Variants in GRIK2 observed in about 807,000 individuals in gnomAD.
GRIK2 encodes glutamate receptor ionotropic, kainate 2.
A neutral mutation model predicts 100.3 loss-of-function variants in GRIK2; 32 were observed. The ratio of observed to expected loss-of-function variants is 0.32; its 90% CI spans 0.24 to 0.43. The LOEUF (loss-of-function observed/expected upper bound fraction) is 0.43. GRIK2 is among the 20% of genes least tolerant of loss of function. GRIK2 has a pLI of 1.00. For synonymous variants in GRIK2, 417 were observed against 389.4 expected, an observed-to-expected ratio of 1.07 and a Z score of -0.83; for missense variants, 843 against 1,114.9, an observed-to-expected ratio of 0.76 and a Z score of 3.47.
At chr6:101,704,921 AT>A (rs1403322476) in intron 7 of GRIK2, among the ~76,000 whole-genome samples, 1 of 148,436 alleles carries the variant, frequency 6.7e-6, no homozygotes, top group Non-Finnish European at 1.5e-5. Context: ...ATTGGCCTTT[AT>A]TTTTTATATA....
chr6:102,035,186 T>G (rs1262444521), intron 14 of GRIK2, among the ~76,000 whole-genome samples, 155 bp from the exon 15 acceptor site: 1 of 113,108 alleles, frequency 8.8e-6, no homozygotes, highest in East Asian at 2.3e-4. Flanking sequence ...AGATTCAGAC[T>G]TTTTTGGTAT....
intron 14 of GRIK2, among the ~76,000 whole-genome samples, chr6:102,023,799 A>G (rs1364693655): frequency 1.3e-5 from 2 of 151,522 alleles, no homozygotes; most frequent in Non-Finnish European, 3.0e-5. Flanking sequence ...GTTGGGTTAA[A>G]CAGTTCAAAG....
chr6:101,485,678 AATTAT>A (rs1303828718), intron 2 of GRIK2, among the ~76,000 whole-genome samples: 1 of 152,176 alleles, frequency 6.6e-6, no homozygotes, highest in African/African-American at 2.4e-5. Context: ...GGATAAGAGC[AATTAT>A]ATTGAAATAT....
intron 2 of GRIK2, among the ~76,000 whole-genome samples, chr6:101,407,564 AG>A (rs758718826): frequency 7.2e-5 from 11 of 152,096 alleles, no homozygotes; most frequent in South Asian, 2.1e-4. Flanking sequence ...TTTCTTTCCT[AG>A]TACATTATCT....
intron 10 of GRIK2, among the ~76,000 whole-genome samples, chr6:101,853,436 C>A (rs950884488): frequency 1.3e-5 from 2 of 152,154 alleles, no homozygotes; most frequent in Admixed American, 6.5e-5. Flanking sequence ...ACTGACAACA[C>A]CAAATGCTAG....
chr6:101,525,298 A>G (rs1775095383), intron 2 of GRIK2, among the ~76,000 whole-genome samples: 1 of 152,192 alleles, frequency 6.6e-6, no homozygotes, highest in South Asian at 2.1e-4. Context: ...GATCTATATT[A>G]TCAGTAGGAT....
intron 2 of GRIK2, among the ~76,000 whole-genome samples, chr6:101,542,095 T>C (rs190157903): frequency 3.7e-4 from 56 of 152,228 alleles, no homozygotes; most frequent in Non-Finnish European, 6.8e-4. Flanking sequence ...GATTCTAAGG[T>C]GTTTTTACTG....
chr6:101,545,749 C>T (rs1324092396), intron 2 of GRIK2, among the ~76,000 whole-genome samples: 1 of 152,158 alleles, frequency 6.6e-6, no homozygotes, highest in East Asian at 1.9e-4. Context: ...AGTCATATTA[C>T]ACAATCCTTA....
intron 11 of GRIK2, among the ~76,000 whole-genome samples, chr6:101,877,804 T>A (rs1785961210): frequency 6.6e-6 from 1 of 151,846 alleles, no homozygotes; most frequent in African/African-American, 2.4e-5. Flanking sequence ...CTTAATACAT[T>A]TTCATTCTAT....
At chr6:101,935,854 T>C (rs1790583269) in intron 14 of GRIK2, among the ~76,000 whole-genome samples, 1 of 152,010 alleles carries the variant, frequency 6.6e-6, no homozygotes, top group Admixed American at 6.6e-5. Flanking sequence ...CCTTTGCAGA[T>C]CTAAACTAAA....
intron 10 of GRIK2, among the ~76,000 whole-genome samples, chr6:101,843,772 C>T (rs1437201173): frequency 6.6e-6 from 1 of 152,120 alleles, no homozygotes; most frequent in African/African-American, 2.4e-5. Flanking sequence ...GGGTAAGGCC[C>T]AGACCTCAGT....
chr6:101,890,904 A>T (rs959224176), intron 12 of GRIK2, among the ~76,000 whole-genome samples: 1 of 151,448 alleles, frequency 6.6e-6, no homozygotes, highest in South Asian at 2.1e-4. Flanking sequence ...TCAAAAAGAT[A>T]ACTCTGAATT....
At chr6:101,906,364 A>ATGTGTGTGTGTGTGTGTGTGTG (rs1167348086) in intron 12 of GRIK2, among the ~76,000 whole-genome samples, 1 of 14,734 alleles carries the variant, frequency 6.8e-5, no homozygotes, top group African/African-American at 1.2e-4. Flanking sequence ...ATAAAACAAG[A>ATGTGTGTGTGTGTGTGTGTGTG]TCTGTGTGTG....
At chr6:101,938,504 A>G (rs1425727003) in intron 14 of GRIK2, among the ~76,000 whole-genome samples, 45 of 152,122 alleles carry the variant, frequency 3.0e-4, no homozygotes, top group Non-Finnish European at 1.5e-5. Context: ...TTGATGGTAA[A>G]TGTCTTATTC....
chr6:101,727,413 T>C (rs750831215), intron 7 of GRIK2, among the ~76,000 whole-genome samples: 2 of 152,034 alleles, frequency 1.3e-5, no homozygotes, highest in Non-Finnish European at 2.9e-5. Context: ...CAATAAATTA[T>C]TGGAGGGCAT....
At position 101,510,312 on chromosome 6, in the gene GRIK2, A is replaced by C. The variant is rs1222917810; in HGVS notation, c.115+110920A>C. The stretch of plus-strand genomic sequence containing the variant: ...TGGGAGGCTTATCATGCAAGGATGC[A>C]CTAGAGTGGGTATGATGGCGATTTT... On this transcript the variant is annotated intron_variant, in intron 2 of 16. Coordinates refer to ENST00000369134, the MANE Select transcript of GRIK2 (RefSeq NM_021956.5). 3.9e-5 allele frequency among the ~76,000 whole-genome samples: 6 copies of C among 152,140 alleles called. No homozygotes were observed. The South Asian group carries it at 1.2e-3, about 31-fold the overall frequency.
chr6:101,919,056 G>A (rs562567780), intron 12 of GRIK2, among the ~76,000 whole-genome samples: 1 of 151,728 alleles, frequency 6.6e-6, no homozygotes, highest in South Asian at 2.1e-4. Context: ...TGAGACAATG[G>A]GCCAGTCTAC....
chr6:101,993,982 C>A (rs2128493018), intron 14 of GRIK2: 1 of 146,624 alleles, frequency 6.8e-6, no homozygotes, highest in South Asian at 2.1e-4. Context: ...ACATTACATA[C>A]AATGTATATA....
intron 6 of GRIK2, among the ~76,000 whole-genome samples, chr6:101,685,707 A>T (rs1212169880): frequency 1.3e-5 from 2 of 152,154 alleles, no homozygotes; most frequent in African/African-American, 4.8e-5. Flanking sequence ...CACACCTTTC[A>T]TACAGTTTTC....
Sources: allele counts gnomAD v4.1 joint callset (sites outside exome capture counted in the v4.1 genomes callset), GRCh38; gene constraint gnomAD v4.1.1; transcripts MANE v1.5; gene names NCBI Gene and HGNC (gene_info 2026-07-23, HGNC 2026-07-21).